The following ANO3 variants were observed in gnomAD, a reference collection of about 807,000 sequenced individuals.
ANO3 encodes anoctamin-3.
In ANO3, 99 loss-of-function variants were observed where a neutral mutation model predicts 144.8. That is an observed-to-expected ratio of 0.68 (90% CI 0.58 to 0.81). The LOEUF (loss-of-function observed/expected upper bound fraction) is 0.81, where lower values mean the gene tolerates loss of function less well. Among genes scored for constraint, ANO3 ranks in the 30% least tolerant of loss-of-function variants. ANO3 has a pLI of 0.00. For synonymous variants in ANO3, 414 were observed against 392.6 expected (o/e 1.05, Z -0.64); for missense variants, 905 against 1,202.2 (o/e 0.75, Z 3.66).
chr11:26,500,065 T>C (rs1347695098), intron 4 of ANO3, among the ~76,000 whole-genome samples: 1 of 151,718 alleles, frequency 6.6e-6, no homozygotes, highest in Non-Finnish European at 1.5e-5. Flanking sequence ...TATATAATTG[T>C]GTATGTGTGT....
intron 1 of ANO3, among the ~76,000 whole-genome samples, chr11:26,220,151 T>C (rs900864073): frequency 3.9e-5 from 6 of 152,248 alleles, no homozygotes; most frequent in African/African-American, 1.4e-4. Flanking sequence ...TTAGCTGAGC[T>C]ATTTATTTTA....
At chr11:26,503,774 G>A (rs755962940) in intron 4 of ANO3, among the ~76,000 whole-genome samples, 19 of 152,086 alleles carry the variant, frequency 1.2e-4, no homozygotes, top group Non-Finnish European at 2.5e-4. Flanking sequence ...CTTTCTGGGA[G>A]AGTTTAGCAT....
chr11:26,399,159 G>A (rs1307873851), intron 1 of ANO3, among the ~76,000 whole-genome samples: 4 of 151,576 alleles, frequency 2.6e-5, no homozygotes, highest in South Asian at 2.1e-4. Flanking sequence ...CCTTTTTTTC[G>A]CTGTCTCATA....
chr11:26,443,851 A>T lies in ANO3; in HGVS notation c.313+15A>T. ...TTTTTGTTTGGGTAAGTTGATAATC[A>T]GTATTTACCTACTCCTTTCCCTCTC... On this transcript the variant is annotated intron_variant, in intron 3 of 26. Transcript: ENST00000256737. 8 of 1,566,730 alleles carry T rather than the reference A, an allele frequency of 5.1e-6. No homozygotes were observed. Among genetic ancestry groups the T allele is most frequent in the Non-Finnish European group, 7.0e-6 (8 of 1,139,500 alleles).
At chr11:26,449,303 T>C (rs1053200035) in intron 3 of ANO3, among the ~76,000 whole-genome samples, 1 of 152,178 alleles carries the variant, frequency 6.6e-6, no homozygotes, top group Non-Finnish European at 1.5e-5. Context: ...ATTTAGGTTA[T>C]TCACCCCAAT....
At chr11:26,614,990 C>T (rs1852208700) in intron 17 of ANO3, among the ~76,000 whole-genome samples, 1 of 151,790 alleles carries the variant, frequency 6.6e-6, no homozygotes, top group African/African-American at 2.4e-5. Context: ...TCACTCTCTA[C>T]ATATATATTC....
chr11:26,599,116 C>A, intron 16 of ANO3, 118 bp downstream of exon 16: 1 of 1,046,518 alleles, frequency 9.6e-7, no homozygotes, highest in Non-Finnish European at 1.4e-6. Context: ...TTTCCAACAA[C>A]TTGGTAACAC....
intron 3 of ANO3, among the ~76,000 whole-genome samples, chr11:26,455,645 GC>G (rs1859123977): frequency 6.6e-6 from 1 of 152,114 alleles, no homozygotes; most frequent in Non-Finnish European, 1.5e-5. Flanking sequence ...TGGCCATACT[GC>G]CCAAGGTAAT....
At chr11:26,451,495 T>C (rs1218142151) in intron 3 of ANO3, among the ~76,000 whole-genome samples, 1 of 152,052 alleles carries the variant, frequency 6.6e-6, no homozygotes, top group Non-Finnish European at 1.5e-5. Context: ...AGCACAGCAG[T>C]CTGAGATCAA....
intron 1 of ANO3, among the ~76,000 whole-genome samples, chr11:26,412,085 A>G (rs991042970): frequency 2.6e-5 from 4 of 152,060 alleles, no homozygotes; most frequent in Admixed American, 2.0e-4. Context: ...TTAAAGGGGT[A>G]ATTTAAAAAT....
intron 17 of ANO3, among the ~76,000 whole-genome samples, chr11:26,617,077 A>T (rs992577773): frequency 1.3e-5 from 2 of 152,290 alleles, no homozygotes; most frequent in Admixed American, 6.5e-5. Context: ...GGCCCAAAAT[A>T]TTCTTTATAT....
chr11:26,493,404 G>A (rs1204445850), intron 4 of ANO3, among the ~76,000 whole-genome samples: 1 of 152,066 alleles, frequency 6.6e-6, no homozygotes, highest in Non-Finnish European at 1.5e-5. Flanking sequence ...GGCCAATATT[G>A]GCTAAAAGAT....
chr11:26,451,768 A>C (rs992229474), intron 3 of ANO3, among the ~76,000 whole-genome samples: 118 of 152,310 alleles, frequency 7.7e-4, no homozygotes, highest in African/African-American at 2.8e-3. Flanking sequence ...ATCTGAGAAC[A>C]GGCAGACTGC....
chr11:26,474,009 C>T (rs939152451), intron 4 of ANO3: 54 of 984,694 alleles, frequency 5.5e-5, no homozygotes, highest in African/African-American at 2.6e-4. Context: ...AAAAAGCAGG[C>T]GGTGAAAGGG....
chr11:26,367,335 C>T (rs2133933573), intron 1 of ANO3, among the ~76,000 whole-genome samples: 1 of 152,308 alleles, frequency 6.6e-6, no homozygotes, highest in South Asian at 2.1e-4. Flanking sequence ...GAACAGAATG[C>T]ACCAAGCTTT....
At chr11:26,271,067 T>G (rs937191322) in intron 1 of ANO3, among the ~76,000 whole-genome samples, 1 of 152,156 alleles carries the variant, frequency 6.6e-6, no homozygotes, top group Non-Finnish European at 1.5e-5. Context: ...GAGGGATGAA[T>G]ATATCAAGCT....
At chr11:26,478,632 G>A (rs551226824) in intron 4 of ANO3, among the ~76,000 whole-genome samples, 2 of 152,228 alleles carry the variant, frequency 1.3e-5, no homozygotes, top group African/African-American at 2.4e-5. Flanking sequence ...ATTTTTAGTA[G>A]TATTACAGCA....
At chr11:26,333,902 T>C (rs1400357324) in intron 1 of ANO3, among the ~76,000 whole-genome samples, 6 of 152,204 alleles carry the variant, frequency 3.9e-5, no homozygotes. Context: ...ACTTTCAGAA[T>C]GAAGACAAAG....
At chr11:26,447,156 A>G (rs1199069526) in intron 3 of ANO3, among the ~76,000 whole-genome samples, 2 of 132,076 alleles carry the variant, frequency 1.5e-5, no homozygotes, top group African/African-American at 2.8e-5. Context: ...ACAGTGAGCT[A>G]TGATCACACC....
Sources: gnomAD v4.1 joint callset for allele counts (sites outside exome capture counted in the v4.1 genomes callset) on GRCh38, gnomAD v4.1.1 for gene constraint, MANE v1.5 for transcripts, NCBI Gene and HGNC (gene_info 2026-07-23, HGNC 2026-07-21) for gene names.